The following PTPRG variants were observed in gnomAD, a reference collection of about 807,000 sequenced individuals.
The protein encoded by PTPRG is receptor-type tyrosine-protein phosphatase gamma.
A neutral mutation model predicts 165.3 loss-of-function variants in PTPRG; 102 were observed. The observed-to-expected ratio is 0.62, with a 90% CI of 0.53 to 0.73. The LOEUF (loss-of-function observed/expected upper bound fraction) is 0.73. PTPRG is among the 30% of genes least tolerant of loss of function. The pLI is 0.00. For missense variants in PTPRG, 1,866 were observed against 1,861.4 expected, an observed-to-expected ratio of 1.00 and a Z score of -0.05; for synonymous variants, 675 against 669.5, an observed-to-expected ratio of 1.01 and a Z score of -0.13.
At chr3:62,000,228 C>A (rs557495648) in intron 3 of PTPRG, among the ~76,000 whole-genome samples, 110 of 143,840 alleles carry the variant, frequency 7.6e-4, no homozygotes, top group African/African-American at 2.8e-3. Context: ...TTGCAGTGGG[C>A]GGTGATCACA....
At chr3:62,124,208 C>A in intron 5 of PTPRG, 1 of 926,108 alleles carries the variant, frequency 1.1e-6, no homozygotes, top group Non-Finnish European at 1.8e-6. Flanking sequence ...GATTATTCAG[C>A]CACACAGTGC....
At chr3:62,212,884 G>A (rs1559658414) in intron 12 of PTPRG, among the ~76,000 whole-genome samples, 1 of 152,186 alleles carries the variant, frequency 6.6e-6, no homozygotes, top group Non-Finnish European at 1.5e-5. Context: ...TGGAAGGGGT[G>A]TCAAACCAGG....
In PTPRG at chr3:61,662,782, T is replaced by A. The variant is rs59195435; in HGVS notation, c.86-86096T>A. Among the ~76,000 whole-genome samples the A allele has an allele frequency of 6.6e-3, 1,007 of 152,224 alleles. 10 individuals are homozygous for A. The highest frequency in any genetic ancestry group is 0.023 in the African/African-American group (952 of 41,526). On this transcript the variant is annotated intron_variant, in intron 1 of 29. Transcript: ENST00000474889. Reference sequence around the variant, plus strand: ...TTGGGGTTAGATTTGGTACTTAGCATCAACAAGGAAGATCTGTTCCAGTAG... The same window carrying A: ...TTGGGGTTAGATTTGGTACTTAGCAACAACAAGGAAGATCTGTTCCAGTAG...
chr3:62,264,658 T>C lies in PTPRG; in HGVS notation c.2656+1764T>C, dbSNP rs558217265. On this transcript the variant is annotated intron_variant, in intron 17 of 29. Transcript: ENST00000474889. Reference sequence around the variant, plus strand: ...TTTTTATGGCTGAATAATACTCTAATGTGTGGATATACAGCATTTTGTCTA... The same window carrying C: ...TTTTTATGGCTGAATAATACTCTAACGTGTGGATATACAGCATTTTGTCTA... 1.1e-4 allele frequency among the ~76,000 whole-genome samples: 17 copies of C among 152,352 alleles called. No homozygotes were observed. In the South Asian group the frequency reaches 2.7e-3, roughly 24 times the overall value.
chr3:62,020,653 C>T (rs2041667650), intron 4 of PTPRG, among the ~76,000 whole-genome samples: 1 of 152,056 alleles, frequency 6.6e-6, no homozygotes, highest in Non-Finnish European at 1.5e-5. Context: ...ACTCAGAGGG[C>T]AGCACCCAGG....
intron 2 of PTPRG, among the ~76,000 whole-genome samples, chr3:61,781,649 C>G (rs1001598388): frequency 1.3e-5 from 2 of 152,148 alleles, no homozygotes; most frequent in Non-Finnish European, 2.9e-5. Context: ...TATGATAATA[C>G]TATTCAGCTC....
At chr3:61,853,378 G>T (rs150431824) in intron 2 of PTPRG, among the ~76,000 whole-genome samples, 1 of 152,182 alleles carries the variant, frequency 6.6e-6, no homozygotes, top group African/African-American at 2.4e-5. Context: ...AAGGAATTGC[G>T]GCTTCTGCCT....
intron 23 of PTPRG, 32 bp from the exon 24 acceptor site, chr3:62,275,841 G>A: frequency 2.0e-6 from 3 of 1,504,228 alleles, no homozygotes; most frequent in Non-Finnish European, 2.7e-6. Context: ...TTATATCTTT[G>A]AATGAAGACT....
chr3:61,739,296 C>T (rs2032892779), intron 1 of PTPRG: 1 of 152,004 alleles, frequency 6.6e-6, no homozygotes, highest in South Asian at 2.1e-4. Context: ...AATCACTCTA[C>T]ATTTTACTGT....
At chr3:61,766,914 C>A (rs1422846683) in intron 2 of PTPRG, among the ~76,000 whole-genome samples, 1 of 151,798 alleles carries the variant, frequency 6.6e-6, no homozygotes, top group Non-Finnish European at 1.5e-5. Context: ...GCCATCGCGC[C>A]CAGCCCAGCC....
At chr3:61,598,895 G>C (rs1700770152) in intron 1 of PTPRG, among the ~76,000 whole-genome samples, 1 of 152,064 alleles carries the variant, frequency 6.6e-6, no homozygotes, top group Non-Finnish European at 1.5e-5. Flanking sequence ...GTTCTCCCTG[G>C]CTGTGTGTGT....
intron 2 of PTPRG, among the ~76,000 whole-genome samples, chr3:61,773,178 A>T (rs1215999566): frequency 6.6e-6 from 1 of 152,198 alleles, no homozygotes. Flanking sequence ...TATGCAATAA[A>T]TTATTTGGAA....
intron 6 of PTPRG, among the ~76,000 whole-genome samples, chr3:62,143,297 A>G (rs1703997215): frequency 6.6e-6 from 1 of 152,194 alleles, no homozygotes; most frequent in Admixed American, 6.5e-5. Context: ...CTTTGGAAGA[A>G]GAGGACAAAT....
intron 7 of PTPRG, among the ~76,000 whole-genome samples, chr3:62,166,197 C>CTTTTTTTTTTTTTTTTTT (rs564761041): frequency 1.9e-5 from 1 of 53,932 alleles, no homozygotes; most frequent in Non-Finnish European, 3.4e-5. Flanking sequence ...AATTACAGTT[C>CTTTTTTTTTTTTTTTTTT]TTTTTTTTTT....
In PTPRG at chr3:61,902,536, T is replaced by G. The variant is rs1309187014; in HGVS notation, c.191-87089T>G. On this transcript the variant is annotated intron_variant, in intron 2 of 29. Coordinates refer to ENST00000474889, the MANE Select transcript of PTPRG (RefSeq NM_002841.4). Reference sequence around the variant, plus strand: ...AAACTCACTACCAATTAAACTGTGCTATATTGCTAAGTTACCATCAATAAT... The same window carrying G: ...AAACTCACTACCAATTAAACTGTGCGATATTGCTAAGTTACCATCAATAAT... 2.0e-5 allele frequency among the ~76,000 whole-genome samples: 3 copies of G among 152,188 alleles called. 1 individual carries two copies. The highest frequency in any genetic ancestry group is 4.4e-5 in the Non-Finnish European group (3 of 68,028).
chr3:62,050,189 A>G (rs1040654886), intron 4 of PTPRG, among the ~76,000 whole-genome samples: 2 of 152,220 alleles, frequency 1.3e-5, no homozygotes, highest in African/African-American at 4.8e-5. Flanking sequence ...ACAGTTACAC[A>G]CCACATAACA....
intron 4 of PTPRG, among the ~76,000 whole-genome samples, chr3:62,029,634 C>T (rs1037173392): frequency 1.3e-5 from 2 of 152,176 alleles, no homozygotes; most frequent in Non-Finnish European, 2.9e-5. Context: ...TTGACTACAA[C>T]ATGGGTGACC....
intron 2 of PTPRG, among the ~76,000 whole-genome samples, chr3:61,819,540 T>C (rs1332326893): frequency 6.6e-6 from 1 of 152,096 alleles, no homozygotes; most frequent in Non-Finnish European, 1.5e-5. Context: ...GCATCACAAA[T>C]GGGGGAGACA....
At chr3:61,657,268 C>T (rs1702532621) in intron 1 of PTPRG, among the ~76,000 whole-genome samples, 1 of 152,018 alleles carries the variant, frequency 6.6e-6, no homozygotes, top group Admixed American at 6.6e-5. Context: ...ATGTGGAGGA[C>T]CTCTCTAGAA....
Sources: gnomAD v4.1 joint callset for allele counts (sites outside exome capture counted in the v4.1 genomes callset) on GRCh38, gnomAD v4.1.1 for gene constraint, MANE v1.5 for transcripts, NCBI Gene and HGNC (gene_info 2026-07-23, HGNC 2026-07-21) for gene names.